The following ST8SIA4 variants were observed in gnomAD, a reference collection of about 807,000 sequenced individuals.
ST8SIA4 encodes the protein CMP-N-acetylneuraminate-poly-alpha-2,8-sialyltransferase.
In ST8SIA4, 15 loss-of-function variants were observed where a neutral mutation model predicts 33.9. The observed-to-expected ratio is 0.44, with a 90% CI of 0.30 to 0.68. ST8SIA4 has a LOEUF of 0.68. ST8SIA4 is among the 30% of genes least tolerant of loss of function. The pLI, the probability that ST8SIA4 is intolerant of heterozygous loss-of-function variation, is 0.10. For missense variants in ST8SIA4, 321 were observed against 428.0 expected, an observed-to-expected ratio of 0.75 and a Z score of 2.21; for synonymous variants, 171 against 151.2, an observed-to-expected ratio of 1.13 and a Z score of -0.96.
intron 4 of ST8SIA4, among the ~76,000 whole-genome samples, chr5:100,833,654 G>T (rs1751304472): frequency 6.6e-6 from 1 of 152,202 alleles, no homozygotes; most frequent in East Asian, 1.9e-4. Flanking sequence ...ATAATGATTG[G>T]CATATAGTGT....
At chr5:100,875,606 G>C (rs1457548189) in intron 3 of ST8SIA4, among the ~76,000 whole-genome samples, 1 of 152,134 alleles carries the variant, frequency 6.6e-6, no homozygotes, top group Admixed American at 6.6e-5. Flanking sequence ...ACCCCACACA[G>C]CACAGGTTGT....
intron 4 of ST8SIA4, among the ~76,000 whole-genome samples, chr5:100,817,202 C>T (rs1424900090): frequency 7.6e-6 from 1 of 131,998 alleles, no homozygotes; most frequent in Admixed American, 9.2e-5. Context: ...CTCCTGATCT[C>T]GTGATCCACC....
At chr5:100,821,907 T>A (rs1751037206) in intron 4 of ST8SIA4, among the ~76,000 whole-genome samples, 1 of 152,200 alleles carries the variant, frequency 6.6e-6, no homozygotes, top group South Asian at 2.1e-4. Flanking sequence ...GTCCCTGGCA[T>A]AAATTGAACA....
chr5:100,869,361 G>C (rs2112454490), intron 3 of ST8SIA4, among the ~76,000 whole-genome samples: 1 of 152,164 alleles, frequency 6.6e-6, no homozygotes, highest in Non-Finnish European at 1.5e-5. Context: ...TAGAAGGATA[G>C]ATCTACCGAC....
At chr5:100,839,760 G>A (rs929685743) in intron 4 of ST8SIA4, among the ~76,000 whole-genome samples, 2 of 151,664 alleles carry the variant, frequency 1.3e-5, no homozygotes, top group Admixed American at 6.6e-5. Flanking sequence ...TGATAAAATG[G>A]CACAAATATT....
chr5:100,881,329 C>A (rs1378864259), intron 3 of ST8SIA4, among the ~76,000 whole-genome samples: 1 of 152,136 alleles, frequency 6.6e-6, no homozygotes. Flanking sequence ...GGCATATATT[C>A]TTATATAATA....
At chr5:100,855,452 C>T (rs2112439323) in intron 4 of ST8SIA4, among the ~76,000 whole-genome samples, 1 of 152,296 alleles carries the variant, frequency 6.6e-6, no homozygotes, top group South Asian at 2.1e-4. Context: ...AGTAAAAATA[C>T]ATAATTTCTC....
At chr5:100,854,508 A>G (rs1254754738) in intron 4 of ST8SIA4, among the ~76,000 whole-genome samples, 1 of 152,080 alleles carries the variant, frequency 6.6e-6, no homozygotes, top group African/African-American at 2.4e-5. Flanking sequence ...GCGTGAACCC[A>G]GGAGGCAGAG....
At chr5:100,850,822 A>G (rs993221690) in intron 4 of ST8SIA4, among the ~76,000 whole-genome samples, 1 of 151,934 alleles carries the variant, frequency 6.6e-6, no homozygotes, top group African/African-American at 2.4e-5. Flanking sequence ...ATATATATGT[A>G]TAAACAGACA....
chr5:100,849,457 C>A, intron 4 of ST8SIA4: 20 of 985,204 alleles, frequency 2.0e-5, no homozygotes, highest in Non-Finnish European at 2.3e-5. Context: ...TTTCGCAGAA[C>A]CTGCAAAATA....
chr5:100,831,588 A>C (rs1271101990), intron 4 of ST8SIA4, among the ~76,000 whole-genome samples: 1 of 152,112 alleles, frequency 6.6e-6, no homozygotes, highest in African/African-American at 2.4e-5. Flanking sequence ...AATTATTATT[A>C]CTACCATTGT....
At chr5:100,838,517 CA>C (rs1459740060) in intron 4 of ST8SIA4, among the ~76,000 whole-genome samples, 1 of 151,614 alleles carries the variant, frequency 6.6e-6, no homozygotes, top group African/African-American at 2.4e-5. Flanking sequence ...ATAACATAAC[CA>C]AAATACATCT....
chr5:100,811,656 T>A lies in ST8SIA4; in HGVS notation c.*191A>T. ...GTGGCACTTACTAGGACCCTTAAAG[T>A]CAAAATATTTAATTTTTAGAGCACT... On this transcript the variant is annotated 3_prime_UTR_variant, in exon 5 of 5. Coordinates refer to ENST00000231461, the MANE Select transcript of ST8SIA4 (RefSeq NM_005668.6). 1.7e-6 allele frequency: 1 copy of A among 593,352 alleles called. No homozygotes were observed. The highest frequency in any genetic ancestry group is 2.9e-6 in the Non-Finnish European group (1 of 344,254). The allele number at this position is 593,352 out of a possible 1,614,324, so 36.8% of individuals were successfully genotyped here. A position where few individuals can be genotyped will look rare whatever the true frequency, so the allele number is the denominator to read the frequency against.
At chr5:100,845,850 G>A (rs1751557939) in intron 4 of ST8SIA4, among the ~76,000 whole-genome samples, 1 of 151,932 alleles carries the variant, frequency 6.6e-6, no homozygotes, top group African/African-American at 2.4e-5. Context: ...ACACCCAAGA[G>A]AAAACTGTTA....
intron 4 of ST8SIA4, among the ~76,000 whole-genome samples, chr5:100,829,907 C>CAAA (rs773555217): frequency 2.9e-4 from 32 of 109,470 alleles, no homozygotes; most frequent in African/African-American, 1.1e-3. Flanking sequence ...GACTCCGTCT[C>CAAA]AAAAAAAAAA....
intron 3 of ST8SIA4, among the ~76,000 whole-genome samples, chr5:100,858,185 G>A (rs1407764979): frequency 6.6e-6 from 1 of 152,018 alleles, no homozygotes; most frequent in Non-Finnish European, 1.5e-5. Context: ...AATGAAGCTA[G>A]TTATCACATG....
intron 4 of ST8SIA4, among the ~76,000 whole-genome samples, chr5:100,844,398 A>G (rs1751526245): frequency 6.6e-6 from 1 of 151,918 alleles, no homozygotes; most frequent in African/African-American, 2.4e-5. Context: ...ACTAACACAT[A>G]AACAAGAAAT....
Position 100,886,515 on chromosome 5 carries a change from C to G in ST8SIA4, c.331G>C (p.Val111Leu). 1 of 1,613,898 alleles carries G rather than the reference C, an allele frequency of 6.2e-7. No individual in the cohort carries two copies. Among genetic ancestry groups the G allele is most frequent in the African/African-American group, 1.3e-5 (1 of 75,042 alleles). ...TTTAGTGTCCGGCGCCTGTCAAGCA[C>G]ATAGTGTATGACATCACCAGGCTTA... ...SFKPGDVIHY[V>L]LDRRRTLNIS... The change falls in exon 3 of 5, where the codon GTG becomes CTG. Residue 111 changes from valine (V) to leucine (L), a missense_variant. Physicochemically the swap from Val to Leu is conservative, Grantham distance 32. Transcript: ENST00000231461.
intron 3 of ST8SIA4, among the ~76,000 whole-genome samples, chr5:100,865,738 T>C (rs1163550011): frequency 6.6e-6 from 1 of 152,106 alleles, no homozygotes; most frequent in Non-Finnish European, 1.5e-5. Context: ...CCTATTGTAT[T>C]CCCCATATCT....
Sources: allele counts gnomAD v4.1 joint callset (sites outside exome capture counted in the v4.1 genomes callset), GRCh38; gene constraint gnomAD v4.1.1; transcripts MANE v1.5; gene names NCBI Gene and HGNC (gene_info 2026-07-23, HGNC 2026-07-21).